Variants in RNFT2 observed in about 807,000 individuals in gnomAD.
The protein encoded by RNFT2 is E3 ubiquitin-protein ligase RNFT2.
In RNFT2, 36 loss-of-function variants were observed where a neutral mutation model predicts 53.0. That is an observed-to-expected ratio of 0.68 (90% CI 0.52 to 0.90). The LOEUF is 0.90. RNFT2 is among the 40% of genes least tolerant of loss of function. RNFT2 has a pLI of 0.00. For missense variants in RNFT2, 514 were observed against 585.6 expected, an observed-to-expected ratio of 0.88 and a Z score of 1.26; for synonymous variants, 260 against 253.2, an observed-to-expected ratio of 1.03 and a Z score of -0.26.
At position 116,750,026 on chromosome 12, in the gene RNFT2, A is replaced by C. The variant is rs1488444000; in HGVS notation, c.269A>C (p.Gln90Pro). ...SSAGGGDVFI[Q>P]MPASREEGGG... is the part of the protein sequence containing the mutation. ...GCTGGCGGCGGGGACGTGTTCATCC[A>C]GATGCCCGCGTCCAGGGAGGAAGGA... is the stretch of plus-strand genomic sequence containing the variant. Residue 90 changes from glutamine to proline, a missense_variant, in exon 4 of 11, where the codon CAG (glutamine) becomes CCG (proline). By Grantham distance (76) the Gln-to-Pro change is moderately conservative. Coordinates refer to ENST00000257575, the MANE Select transcript of RNFT2 (RefSeq NM_001382266.1). 9 of 1,553,198 alleles carry C rather than the reference A, an allele frequency of 5.8e-6. No individual in the cohort carries two copies. Among genetic ancestry groups the C allele is most frequent in the Non-Finnish European group, 7.0e-6 (8 of 1,149,112 alleles).
Position 116,836,606 on chromosome 12 carries a change from C to T in RNFT2, c.1200+324C>T, listed in dbSNP as rs148652455. 3.8e-3 allele frequency among the ~76,000 whole-genome samples: 576 copies of T among 152,216 alleles called. 4 individuals are homozygous for T. Among genetic ancestry groups the T allele is most frequent in the South Asian group, 7.7e-3 (37 of 4,818 alleles). On this transcript the variant is annotated intron_variant, in intron 10 of 10. Coordinates refer to ENST00000257575, the MANE Select transcript of RNFT2 (RefSeq NM_001382266.1). ...GTGGGTCAGTCACTCTCTCTCTGAG[C>T]CTTGGTTTTTCTCATGTCTAAAATG...
At chr12:116,780,040 C>T (rs11829412) in intron 7 of RNFT2, among the ~76,000 whole-genome samples, 1,804 of 152,290 alleles carry the variant, frequency 0.012, 43 homozygotes, top group African/African-American at 0.042. Flanking sequence ...CTCCTGCTTT[C>T]CATTCTGTAA....
intron 1 of RNFT2, 99 bp from the exon 2 acceptor site, chr12:116,740,246 T>C (rs1219209830): frequency 4.4e-5 from 19 of 428,324 alleles, no homozygotes; most frequent in Non-Finnish European, 4.7e-5. Flanking sequence ...ACTGAGCAGA[T>C]GGAATCATCT....
intron 6 of RNFT2, among the ~76,000 whole-genome samples, chr12:116,774,218 A>G (rs759111821): frequency 8.5e-5 from 13 of 152,228 alleles, no homozygotes; most frequent in Admixed American, 3.9e-4. Flanking sequence ...GTGGTTGGAT[A>G]GTGGTGATGA....
chr12:116,841,798 T>TAA (rs1555210408), intron 10 of RNFT2, among the ~76,000 whole-genome samples: 26 of 87,982 alleles, frequency 3.0e-4, no homozygotes, highest in East Asian at 2.4e-3. Context: ...TATATAAATA[T>TAA]ATATATAAAT....
In RNFT2 at chr12:116,780,440, G is replaced by A. The variant is rs924574440; in HGVS notation, c.882+1092G>A. 2.6e-5 allele frequency among the ~76,000 whole-genome samples: 4 copies of A among 152,058 alleles called. 1 individual carries two copies. Among genetic ancestry groups the A allele is most frequent in the Non-Finnish European group, 5.9e-5 (4 of 67,990 alleles). ...CCCACTCCTAGGAGAATCTACTGCC[G>A]CAGCTGATCTGATGGGAGGCGGAGC... On this transcript the variant is annotated intron_variant, in intron 7 of 10. Transcript: ENST00000257575.
chr12:116,820,371 C>G (rs1442671061), intron 7 of RNFT2, among the ~76,000 whole-genome samples: 1 of 152,202 alleles, frequency 6.6e-6, no homozygotes, highest in Admixed American at 6.5e-5. Context: ...TGTGAGCCAC[C>G]ATGCCCAGCT....
At chr12:116,789,660 T>TGGATGGATGGAC (rs1874129843) in intron 7 of RNFT2, among the ~76,000 whole-genome samples, 1 of 127,874 alleles carries the variant, frequency 7.8e-6, no homozygotes, top group Admixed American at 8.3e-5. Context: ...GATGGATGGA[T>TGGATGGATGGAC]GGATGGATAA....
At chr12:116,801,214 T>C (rs17616308) in intron 7 of RNFT2, 12 of 152,324 alleles carry the variant, frequency 7.9e-5, no homozygotes, top group Non-Finnish European at 1.6e-4. Flanking sequence ...GCAGCTGTTA[T>C]TGAAGATGTC....
rs1877953674 is a variant in RNFT2 at position 116,852,021 on chromosome 12, T to C, written c.*2573T>C. 1 of 1,299,026 alleles carries C rather than the reference T, an allele frequency of 7.7e-7. No individual in the cohort carries two copies. The highest frequency in any genetic ancestry group is 1.5e-5 in the African/African-American group (1 of 67,204). 80.5% of individuals were successfully genotyped at this position (1,299,026 alleles called of 1,614,324 possible). ...GTAGTGGCATGGAGCACCGTAACCA[T>C]CTGTGCTTCTGTGATCTCTATGACA... On this transcript the variant is annotated 3_prime_UTR_variant, in exon 11 of 11. Transcript: ENST00000257575.
intron 7 of RNFT2, among the ~76,000 whole-genome samples, chr12:116,789,439 T>A (rs62647048): frequency 8.7e-6 from 1 of 114,432 alleles, no homozygotes; most frequent in Non-Finnish European, 1.7e-5. Flanking sequence ...GGATGGATGG[T>A]AGATGGATGG....
Position 116,849,428 on chromosome 12 carries a change from G to T in RNFT2, c.1315G>T (p.Ala439Ser). ...LRCWKDGATS[A>S]HFQVY Reference sequence around the variant, plus strand: ...CTGCTGGAAGGACGGCGCCACGTCCGCACACTTCCAGGTGTACTAGGACCG... The same window carrying T: ...CTGCTGGAAGGACGGCGCCACGTCCTCACACTTCCAGGTGTACTAGGACCG... The change falls in exon 11 of 11, where the codon GCA becomes TCA. Residue 439 changes from alanine (A) to serine (S), a missense_variant. By Grantham distance (99) the Ala-to-Ser change is moderately conservative. Coordinates refer to ENST00000257575, the MANE Select transcript of RNFT2 (RefSeq NM_001382266.1). 7 of 1,591,828 alleles carry T rather than the reference G, an allele frequency of 4.4e-6. No homozygotes were observed. The highest frequency in any genetic ancestry group is 5.1e-6 in the Non-Finnish European group (6 of 1,172,516).
chr12:116,767,566 G>GT (rs1047312025), intron 6 of RNFT2, among the ~76,000 whole-genome samples: 5 of 147,112 alleles, frequency 3.4e-5, no homozygotes, highest in East Asian at 3.9e-4. Flanking sequence ...TAAAAATTAT[G>GT]TTTTTTTTTT....
chr12:116,773,359 CAG>C (rs1273349395), intron 6 of RNFT2, among the ~76,000 whole-genome samples: 1 of 152,182 alleles, frequency 6.6e-6, no homozygotes, highest in Non-Finnish European at 1.5e-5. Context: ...CTTAAGCAAA[CAG>C]GGAATTCTTC....
At chr12:116,745,173 ATTT>A (rs10637816) in intron 3 of RNFT2, among the ~76,000 whole-genome samples, 1 of 125,074 alleles carries the variant, frequency 8.0e-6, no homozygotes. Context: ...ATTGCACCAG[ATTT>A]TTTTTTTTTT....
chr12:116,820,514 G>T (rs548747150), intron 7 of RNFT2, among the ~76,000 whole-genome samples: 1 of 152,344 alleles, frequency 6.6e-6, no homozygotes, highest in South Asian at 2.1e-4. Flanking sequence ...CATCTGGAAA[G>T]TTCCTGTGTC....
chr12:116,779,150 C>T (rs928307946), intron 6 of RNFT2, 45 bp from the exon 7 acceptor site: 37 of 1,607,696 alleles, frequency 2.3e-5, no homozygotes, highest in Non-Finnish European at 3.1e-5. Context: ...GCTGCTGAGG[C>T]CTGGCCCTAA....
At chr12:116,800,656 A>C (rs542337741) in intron 7 of RNFT2, among the ~76,000 whole-genome samples, 1 of 150,516 alleles carries the variant, frequency 6.6e-6, no homozygotes, top group South Asian at 2.1e-4. Flanking sequence ...TGGTTTAAAA[A>C]TGCAAAAAAT....
At chr12:116,785,118 G>A (rs753827140) in intron 7 of RNFT2, among the ~76,000 whole-genome samples, 3 of 151,726 alleles carry the variant, frequency 2.0e-5, no homozygotes, top group South Asian at 2.1e-4. Flanking sequence ...CTCCTGTCTC[G>A]GCCTCTTGCA....
Sources: allele counts gnomAD v4.1 joint callset (sites outside exome capture counted in the v4.1 genomes callset), GRCh38; gene constraint gnomAD v4.1.1; transcripts MANE v1.5; gene names NCBI Gene and HGNC (gene_info 2026-07-23, HGNC 2026-07-21).